Variants in SLC24A4 observed in about 807,000 individuals in gnomAD.
The protein encoded by SLC24A4 is sodium/potassium/calcium exchanger 4.
Under a neutral mutation model 79.0 loss-of-function variants are expected in SLC24A4, and 53 were observed. The ratio of observed to expected loss-of-function variants is 0.67; its 90% confidence interval spans 0.54 to 0.84. The LOEUF (loss-of-function observed/expected upper bound fraction) is 0.84, where lower values mean the gene tolerates loss of function less well. Ranked by LOEUF, SLC24A4 falls within the 40% of genes least tolerant of loss-of-function variation. The pLI, the probability that SLC24A4 is intolerant of heterozygous loss-of-function variation, is 0.00. For synonymous variants in SLC24A4, 323 were observed against 323.8 expected (o/e 1.00, Z 0.03); for missense variants, 731 against 822.0 (o/e 0.89, Z 1.35).
At chr14:92,482,127 C>T (rs1033662852) in intron 12 of SLC24A4, among the ~76,000 whole-genome samples, 1 of 152,246 alleles carries the variant, frequency 6.6e-6, no homozygotes, top group Non-Finnish European at 1.5e-5. Flanking sequence ...TATGTACACT[C>T]TGTCATATCA....
At chr14:92,417,276 G>A (rs1891031689) in intron 2 of SLC24A4, among the ~76,000 whole-genome samples, 1 of 152,136 alleles carries the variant, frequency 6.6e-6, no homozygotes, top group South Asian at 2.1e-4. Context: ...CTGACCCTCT[G>A]TAGGTCTAGG....
At chr14:92,372,927 C>CCTTCCTTTCTT (rs1566721994) in intron 2 of SLC24A4, among the ~76,000 whole-genome samples, 1 of 85,314 alleles carries the variant, frequency 1.2e-5, no homozygotes, top group Non-Finnish European at 2.4e-5. Context: ...CTTTCTTTCT[C>CCTTCCTTTCTT]TTTCTTTCTT....
rs140588260 is a variant in SLC24A4 at position 92,477,594 on chromosome 14, A to C, written c.1256-5086A>C. ...CCCACCTCAACCTCCCAAGTAGTTG[A>C]GACTAAAAGGCCACCATGCCCAGCT... On this transcript the variant is annotated intron_variant, in intron 12 of 16. Coordinates refer to ENST00000532405, the MANE Select transcript of SLC24A4 (RefSeq NM_153646.4). Among the ~76,000 whole-genome samples the C allele has an allele frequency of 9.1e-3, 1,378 of 151,926 alleles. 12 individuals carry two copies. Among genetic ancestry groups the C allele is most frequent in the Non-Finnish European group, 0.011 (775 of 67,948 alleles).
chr14:92,329,815 T>A (rs561003659), intron 2 of SLC24A4, among the ~76,000 whole-genome samples: 1 of 152,356 alleles, frequency 6.6e-6, no homozygotes, highest in African/African-American at 2.4e-5. Context: ...CTCCCTATGT[T>A]GTTTTTATGT....
intron 2 of SLC24A4, among the ~76,000 whole-genome samples, chr14:92,334,882 C>G (rs906270967): frequency 6.6e-6 from 1 of 151,314 alleles, no homozygotes; most frequent in Non-Finnish European, 1.5e-5. Context: ...TCATCATCAT[C>G]ATCATCGTCA....
intron 12 of SLC24A4, among the ~76,000 whole-genome samples, chr14:92,470,331 A>G (rs137975407): frequency 2.0e-5 from 3 of 152,324 alleles, no homozygotes; most frequent in East Asian, 1.9e-4. Context: ...TCCCAGGTCC[A>G]TGCAAATCTA....
rs145638097 is a variant in SLC24A4 at position 92,405,966 on chromosome 14, A to C, written c.242-27946A>C. Among the ~76,000 whole-genome samples the C allele has an allele frequency of 3.7e-4, 56 of 152,298 alleles. 2 individuals carry two copies. The East Asian group carries it at 0.011, about 29-fold the overall frequency. ...TGGAAAAGTCCAAGTCCAAAGTCTC[A>C]TCTGAAACAAGGTAAGTCCCTTCTG... is the stretch of plus-strand genomic sequence containing the variant. On this transcript the variant is annotated intron_variant, in intron 2 of 16. Coordinates refer to ENST00000532405, the MANE Select transcript of SLC24A4 (RefSeq NM_153646.4).
chr14:92,373,182 A>ACACACACACACACACG (rs1888298537), intron 2 of SLC24A4, among the ~76,000 whole-genome samples: 1 of 81,726 alleles, frequency 1.2e-5, no homozygotes, highest in Non-Finnish European at 2.9e-5. Context: ...ACACACACAC[A>ACACACACACACACACG]CACACACACA....
At chr14:92,391,056 C>T (rs1239948714) in intron 2 of SLC24A4, among the ~76,000 whole-genome samples, 5 of 152,170 alleles carry the variant, frequency 3.3e-5, no homozygotes, top group Non-Finnish European at 5.9e-5. Context: ...CTGCTGGGCT[C>T]CCAGGGTCTG....
intron 2 of SLC24A4, among the ~76,000 whole-genome samples, chr14:92,352,408 T>C (rs2141647226): frequency 6.6e-6 from 1 of 152,256 alleles, no homozygotes; most frequent in South Asian, 2.1e-4. Context: ...TTTAGAATGT[T>C]TGGACTAAAA....
At chr14:92,397,516 T>C (rs1014261681) in intron 2 of SLC24A4, among the ~76,000 whole-genome samples, 1 of 152,240 alleles carries the variant, frequency 6.6e-6, no homozygotes, top group African/African-American at 2.4e-5. Flanking sequence ...ATGAAAATAG[T>C]TGCCAAAGCA....
chr14:92,372,987 CTCTCT>C (rs1888284458), intron 2 of SLC24A4, among the ~76,000 whole-genome samples: 3 of 134,156 alleles, frequency 2.2e-5, no homozygotes, highest in Non-Finnish European at 5.1e-5. Flanking sequence ...CTCCCTCTCC[CTCTCT>C]CTCTCTTCTT....
chr14:92,406,183 CTA>C (rs1890363938), intron 2 of SLC24A4, among the ~76,000 whole-genome samples: 1 of 152,226 alleles, frequency 6.6e-6, no homozygotes, highest in East Asian at 1.9e-4. Context: ...TCCTTTGACT[CTA>C]TGTCTCACAT....
intron 10 of SLC24A4, 37 bp downstream of exon 10, chr14:92,449,253 C>T (rs1223763760): frequency 1.2e-6 from 2 of 1,600,996 alleles, no homozygotes; most frequent in East Asian, 2.2e-5. Flanking sequence ...AGAAATGTGT[C>T]CTGGAAGCCA....
chr14:92,424,912 G>T (rs993158754), intron 2 of SLC24A4, among the ~76,000 whole-genome samples: 10 of 119,720 alleles, frequency 8.4e-5, no homozygotes, highest in Non-Finnish European at 1.7e-4. Flanking sequence ...CAGCTCTTGC[G>T]GGAACTAATA....
intron 13 of SLC24A4, among the ~76,000 whole-genome samples, chr14:92,483,343 T>G (rs1895169013): frequency 1.3e-5 from 2 of 152,138 alleles, no homozygotes. Context: ...AACAGCCCCA[T>G]GGGATGGGTG....
intron 10 of SLC24A4, chr14:92,451,630 G>A (rs1282818835): frequency 6.6e-6 from 1 of 152,244 alleles, no homozygotes; most frequent in East Asian, 1.9e-4. Flanking sequence ...AAAACCCAAA[G>A]TTTTATCTTC....
intron 2 of SLC24A4, among the ~76,000 whole-genome samples, chr14:92,364,978 C>G (rs534338593): frequency 1.3e-5 from 2 of 152,328 alleles, no homozygotes; most frequent in Admixed American, 1.3e-4. Context: ...CCTGCCCTTT[C>G]CACTGCCCAG....
At chr14:92,355,550 C>T (rs373536043) in intron 2 of SLC24A4, among the ~76,000 whole-genome samples, 4 of 152,214 alleles carry the variant, frequency 2.6e-5, no homozygotes, top group African/African-American at 7.2e-5. Context: ...TTTTTCAGTT[C>T]GTGCAGACAT....
Sources: gnomAD v4.1 joint callset for allele counts (sites outside exome capture counted in the v4.1 genomes callset) on GRCh38, gnomAD v4.1.1 for gene constraint, MANE v1.5 for transcripts, NCBI Gene and HGNC (gene_info 2026-07-23, HGNC 2026-07-21) for gene names.